Variants in SIPA1L2 observed in about 807,000 individuals in gnomAD.
SIPA1L2 encodes signal induced proliferation associated 1 like 2.
A neutral mutation model predicts 163.9 loss-of-function variants in SIPA1L2; 56 were observed. The observed-to-expected ratio is 0.34, with a 90% CI of 0.28 to 0.43. The LOEUF (loss-of-function observed/expected upper bound fraction) is 0.43, where lower values mean the gene tolerates loss of function less well. SIPA1L2 is among the 20% of genes least tolerant of loss of function. The pLI is 1.00. For synonymous variants in SIPA1L2, 877 were observed against 865.7 expected (o/e 1.01, Z -0.23); for missense variants, 1,974 against 2,193.5 (o/e 0.90, Z 2.00).
intron 17 of SIPA1L2, among the ~76,000 whole-genome samples, chr1:232,426,618 C>A (rs1661921786): frequency 6.6e-6 from 1 of 152,054 alleles, no homozygotes; most frequent in Admixed American, 6.5e-5. Context: ...CGAGATCGTG[C>A]CACTGTACTC....
At chr1:232,581,229 G>A (rs1461857129) in intron 1 of SIPA1L2, among the ~76,000 whole-genome samples, 1 of 152,066 alleles carries the variant, frequency 6.6e-6, no homozygotes, top group African/African-American at 2.4e-5. Context: ...AGCTGCTCTG[G>A]GCACACCATT....
chr1:232,507,657 T>C (rs1666789250), intron 3 of SIPA1L2, among the ~76,000 whole-genome samples: 1 of 152,244 alleles, frequency 6.6e-6, no homozygotes, highest in Non-Finnish European at 1.5e-5. Context: ...AAATTATGCA[T>C]CTTCCCCTAT....
In SIPA1L2 at chr1:232,515,399, T is replaced by G; in HGVS notation, c.-60A>C. 11 of 1,477,406 alleles carry G rather than the reference T, an allele frequency of 7.4e-6. No individual in the cohort carries two copies. The highest frequency in any genetic ancestry group is 1.0e-5 in the Non-Finnish European group (11 of 1,104,426). 91.5% of individuals were successfully genotyped at this position (1,477,406 alleles called of 1,614,324 possible). A position where few individuals can be genotyped will look rare whatever the true frequency, so the allele number is the denominator to read the frequency against. ...AAGACTGATGTAAATCTAATTACAT[T>G]GCTACCGACCACGCCATAATACTTG... On this transcript the variant is annotated 5_prime_UTR_variant, in exon 3 of 23. Coordinates refer to ENST00000674635, the MANE Select transcript of SIPA1L2 (RefSeq NM_020808.5).
intron 18 of SIPA1L2, among the ~76,000 whole-genome samples, chr1:232,419,557 C>T (rs557677681): frequency 6.6e-5 from 10 of 152,182 alleles, no homozygotes; most frequent in African/African-American, 1.7e-4. Context: ...AGTGAGTTCT[C>T]GTGAGATCTG....
chr1:232,612,839 G>A (rs1394146984), intron 1 of SIPA1L2, among the ~76,000 whole-genome samples: 2 of 151,630 alleles, frequency 1.3e-5, no homozygotes, highest in East Asian at 3.9e-4. Context: ...CAGGACATGA[G>A]ATTTGGAGAG....
chr1:232,528,231 G>A (rs949371870), intron 2 of SIPA1L2, among the ~76,000 whole-genome samples: 12 of 151,086 alleles, frequency 7.9e-5, no homozygotes, highest in Admixed American at 6.6e-5. Flanking sequence ...AGGTTCATTC[G>A]ATCCATAAAA....
At chr1:232,461,284 T>A (rs1483826773) in intron 9 of SIPA1L2, 123 bp from the exon 10 acceptor site, 57 of 1,225,574 alleles carry the variant, frequency 4.7e-5, no homozygotes, top group Non-Finnish European at 5.9e-5. Context: ...GCCCAGCCTG[T>A]CTCTCTCTGC....
At chr1:232,412,335 C>G (rs561871270) in intron 19 of SIPA1L2, among the ~76,000 whole-genome samples, 28 of 152,068 alleles carry the variant, frequency 1.8e-4, no homozygotes, top group African/African-American at 6.8e-4. Context: ...ATTTTCCAAG[C>G]CTATTTTCAG....
intron 10 of SIPA1L2, among the ~76,000 whole-genome samples, chr1:232,458,681 T>A (rs1664061588): frequency 6.6e-6 from 1 of 152,200 alleles, no homozygotes; most frequent in East Asian, 1.9e-4. Context: ...CTTATCTTAA[T>A]AATTAAAAAC....
chr1:232,449,392 T>C (rs1030886730), intron 10 of SIPA1L2, among the ~76,000 whole-genome samples: 12 of 151,560 alleles, frequency 7.9e-5, no homozygotes, highest in South Asian at 4.2e-4. Flanking sequence ...GTGGTGGGCG[T>C]CTGTGGTCCC....
chr1:232,492,807 C>T (rs1211529132), intron 4 of SIPA1L2, among the ~76,000 whole-genome samples: 1 of 152,140 alleles, frequency 6.6e-6, no homozygotes, highest in Non-Finnish European at 1.5e-5. Flanking sequence ...ACAGGCTCAT[C>T]AACGGAAGGG....
chr1:232,447,907 A>G (rs1175237235), intron 10 of SIPA1L2, among the ~76,000 whole-genome samples: 1 of 152,242 alleles, frequency 6.6e-6, no homozygotes, highest in Non-Finnish European at 1.5e-5. Flanking sequence ...TTATATTAAT[A>G]TAATCAGGAA....
At chr1:232,403,598 A>G in intron 20 of SIPA1L2, 27 bp from the exon 21 acceptor site, 1 of 1,599,952 alleles carries the variant, frequency 6.3e-7, no homozygotes, top group Admixed American at 1.7e-5. Context: ...CACACACAGA[A>G]AGAAGGGTTA....
intron 12 of SIPA1L2, 23 bp from the exon 13 acceptor site, chr1:232,441,891 C>T: frequency 1.9e-6 from 3 of 1,594,288 alleles, no homozygotes; most frequent in South Asian, 2.3e-5. Flanking sequence ...CAGAGTTGAG[C>T]CTGTCCTTTC....
chr1:232,400,089 C>A (rs896589684), intron 22 of SIPA1L2, among the ~76,000 whole-genome samples: 2 of 152,160 alleles, frequency 1.3e-5, no homozygotes, highest in African/African-American at 4.8e-5. Flanking sequence ...CTCAATACCA[C>A]CTGCCTGGTC....
chr1:232,467,587 G>A (rs1664590613), intron 8 of SIPA1L2, among the ~76,000 whole-genome samples: 1 of 152,212 alleles, frequency 6.6e-6, no homozygotes, highest in Admixed American at 6.5e-5. Context: ...GAGCTCAAAG[G>A]GTCTCTCTGT....
At chr1:232,615,605 C>A (rs1320474754) in intron 1 of SIPA1L2, among the ~76,000 whole-genome samples, 1 of 152,146 alleles carries the variant, frequency 6.6e-6, no homozygotes, top group Admixed American at 6.5e-5. Context: ...GTCTCTTAAG[C>A]CTTCTATTAT....
chr1:232,465,407 A>C lies in SIPA1L2; in HGVS notation c.2253T>G (p.Val751=). The C allele has an allele frequency of 6.2e-7, 1 of 1,607,932 alleles. No homozygotes were observed. The highest frequency in any genetic ancestry group is 8.5e-7 in the Non-Finnish European group (1 of 1,175,540). ...ATGGTGGCACATCTTTTGATCTGGA[A>C]ACTCCAACACTGAGGAAGTAAAAAC... is the stretch of plus-strand genomic sequence containing the variant. ...CTENVCYSVG[V]SRSKDVPPFG... Residue 751 remains valine (V), a synonymous_variant, in exon 9 of 23, where the codon GTT becomes GTG. Coordinates refer to ENST00000674635, the MANE Select transcript of SIPA1L2 (RefSeq NM_020808.5). This position sits in a 1 kb window ranked among gnomAD's most constrained non-coding sequence, Gnocchi z 4.1.
In SIPA1L2 at chr1:232,611,690, G is replaced by A. The variant is rs140462486; in HGVS notation, c.-319+18179C>T. ...TTCTAAGCAGCAAAGCATTCAAGAG[G>A]TGACTTAGGTGCTGTTAACGGCATT... On this transcript the variant is annotated intron_variant, in intron 1 of 22. Transcript: ENST00000674635. Among the ~76,000 whole-genome samples the A allele has an allele frequency of 2.7e-3, 411 of 152,272 alleles. 3 individuals are homozygous for A. Among genetic ancestry groups the A allele is most frequent in the African/African-American group, 9.5e-3 (395 of 41,548 alleles).
Sources: gnomAD v4.1 joint callset for allele counts (sites outside exome capture counted in the v4.1 genomes callset) on GRCh38, gnomAD v4.1.1 for gene constraint, Gnocchi (gnomAD v3.1) non-coding constraint, MANE v1.5 for transcripts, NCBI Gene and HGNC (gene_info 2026-07-23, HGNC 2026-07-21) for gene names.